The following LEMD1 variants were observed in gnomAD, a reference collection of about 807,000 sequenced individuals.
The protein encoded by LEMD1 is LEM domain containing 1, also known as LEM domain-containing protein 1.
In LEMD1, 18 loss-of-function variants were observed where a neutral mutation model predicts 17.4. That is an observed-to-expected ratio of 1.04 (90% confidence interval 0.72 to 1.54). The LOEUF is 1.54. Among genes scored for constraint, LEMD1 ranks in the 40% most tolerant of loss-of-function variants. The pLI, the probability that LEMD1 is intolerant of heterozygous loss-of-function variation, is 0.00. For synonymous variants in LEMD1, 88 were observed against 77.8 expected, an observed-to-expected ratio of 1.13 and a Z score of -0.69; for missense variants, 195 against 210.4, an observed-to-expected ratio of 0.93 and a Z score of 0.45.
At chr1:205,387,620 C>T (rs1664097537) in intron 4 of LEMD1, among the ~76,000 whole-genome samples, 1 of 152,206 alleles carries the variant, frequency 6.6e-6, no homozygotes, top group Non-Finnish European at 1.5e-5. Context: ...TCTTTGCTCT[C>T]TTCTCCTTAG....
intron 4 of LEMD1, among the ~76,000 whole-genome samples, chr1:205,396,337 G>A (rs1425609934): frequency 2.6e-5 from 4 of 151,474 alleles, no homozygotes; most frequent in Non-Finnish European, 4.4e-5. Context: ...ATATTACTGG[G>A]GGAAGCAAAA....
intron 4 of LEMD1, among the ~76,000 whole-genome samples, chr1:205,400,030 C>G (rs547494807): frequency 3.3e-5 from 5 of 152,272 alleles, no homozygotes; most frequent in Admixed American, 3.3e-4. Context: ...CCACAGAATG[C>G]TGTTCAATTA....
At chr1:205,419,375 A>G (rs1453501466) in intron 2 of LEMD1, 23 bp from the exon 3 acceptor site, 1 of 1,613,906 alleles carries the variant, frequency 6.2e-7, no homozygotes, top group Admixed American at 1.7e-5. Context: ...TTGGAGAACA[A>G]ATTAAATTGT....
At chr1:205,392,981 T>C (rs1574951135) in intron 4 of LEMD1, among the ~76,000 whole-genome samples, 1 of 152,190 alleles carries the variant, frequency 6.6e-6, no homozygotes, top group South Asian at 2.1e-4. Flanking sequence ...TGGTGGTACA[T>C]GCTAATAGTC....
intron 5 of LEMD1, among the ~76,000 whole-genome samples, 171 bp downstream of exon 5, chr1:205,384,117 C>A (rs75076163): frequency 0.015 from 2,219 of 152,216 alleles, 50 homozygotes; most frequent in African/African-American, 0.05. Flanking sequence ...TAAATATGAA[C>A]AATGAACTAG....
chr1:205,419,315 C>A lies in LEMD1; in HGVS notation c.120G>T (p.Gln40His). The A allele has an allele frequency of 6.2e-7, 1 of 1,614,218 alleles. No individual in the cohort carries two copies. The highest frequency in any genetic ancestry group is 1.6e-4 in the Middle Eastern group (1 of 6,062). ...TRKLYEKKLV[Q>H]LLVSPPCAPP... The stretch of plus-strand genomic sequence containing the variant: ...GTGCACAGGGAGGTGAGACCAACAA[C>A]TGTACTAACTTTTTTTCATACAACT... Residue 40 changes from glutamine (Q) to histidine (H), a missense_variant, in exon 3 of 6, where the codon CAG becomes CAT. Physicochemically the swap from Gln to His is conservative, Grantham distance 24 (BLOSUM62 0). Coordinates refer to ENST00000367153, the MANE Select transcript of LEMD1 (RefSeq NM_001199050.2).
chr1:205,420,688 G>C, intron 1 of LEMD1, 114 bp from the exon 2 acceptor site: 2 of 619,408 alleles, frequency 3.2e-6, no homozygotes, highest in Non-Finnish European at 5.7e-6. Context: ...TAGGTGCACA[G>C]GCAATAAAGC....
At chr1:205,412,559 G>T (rs1276444087) in intron 4 of LEMD1, among the ~76,000 whole-genome samples, 5 of 152,178 alleles carry the variant, frequency 3.3e-5, no homozygotes. Context: ...TCAGAAGACT[G>T]TTAGGTACAA....
intron 4 of LEMD1, among the ~76,000 whole-genome samples, chr1:205,411,449 GA>G (rs1360672865): frequency 6.6e-6 from 1 of 151,652 alleles, no homozygotes; most frequent in African/African-American, 2.4e-5. Flanking sequence ...CAGCTACCCG[GA>G]GAGGCAGAGG....
intron 1 of LEMD1, among the ~76,000 whole-genome samples, chr1:205,438,451 G>A (rs563339475): frequency 3.3e-5 from 5 of 152,356 alleles, no homozygotes; most frequent in African/African-American, 9.6e-5. Flanking sequence ...CAGGGTCTGC[G>A]AATGCTGGGG....
chr1:205,446,596 GTGGCATGGCTCTAACC>G (rs1553400615), intron 1 of LEMD1, among the ~76,000 whole-genome samples: 1 of 152,242 alleles, frequency 6.6e-6, no homozygotes, highest in Non-Finnish European at 1.5e-5. Flanking sequence ...GGGCAGGAAG[GTGGCATGGCTCTAACC>G]TGGCTTTCCA....
rs990162655 is a variant in LEMD1 at position 205,381,392 on chromosome 1, G to A, written c.*266C>T. 3.0e-5 allele frequency: 14 copies of A among 473,816 alleles called. No individual in the cohort carries two copies. The highest frequency in any genetic ancestry group is 7.4e-5 in the East Asian group (2 of 27,014). 29.4% of individuals were successfully genotyped at this position (473,816 alleles called of 1,614,324 possible). A position where few individuals can be genotyped will look rare whatever the true frequency, so the allele number is the denominator to read the frequency against. On this transcript the variant is annotated 3_prime_UTR_variant, in exon 6 of 6. Transcript: ENST00000367153. ...ACGCCAGACAGTTTCCTTGTTTGAC[G>A]CCTGCTCAAATATGGAAGCACCTTT...
At chr1:205,418,717 T>C (rs1665814307) in intron 3 of LEMD1, among the ~76,000 whole-genome samples, 1 of 152,178 alleles carries the variant, frequency 6.6e-6, no homozygotes, top group African/African-American at 2.4e-5. Context: ...GGTTTCACCA[T>C]GTTGGCCAGG....
At chr1:205,395,326 G>C (rs1274305049) in intron 4 of LEMD1, among the ~76,000 whole-genome samples, 2 of 152,116 alleles carry the variant, frequency 1.3e-5, no homozygotes, top group Non-Finnish European at 2.9e-5. Flanking sequence ...TGGCCATGGT[G>C]GCTCATGCCT....
In LEMD1 at chr1:205,419,296, A is replaced by T. The variant is rs1399051495; in HGVS notation, c.139T>A (p.Cys47Ser). 1 of 1,614,106 alleles carries T rather than the reference A, an allele frequency of 6.2e-7. No homozygotes were observed. The highest frequency in any genetic ancestry group is 1.3e-5 in the African/African-American group (1 of 74,940). Residue 47 changes from cysteine (C) to serine (S), a missense_variant, in exon 3 of 6, where the codon TGT (cysteine) becomes AGT (serine). Coordinates refer to ENST00000367153, the MANE Select transcript of LEMD1 (RefSeq NM_001199050.2). ...KLVQLLVSPP[C>S]APPVMNGPRE... ...GGTCCATTCATCACAGGTGGTGCAC[A>T]GGGAGGTGAGACCAACAACTGTACT...
chr1:205,434,286 C>T (rs1234987115), intron 1 of LEMD1, among the ~76,000 whole-genome samples: 1 of 150,466 alleles, frequency 6.6e-6, no homozygotes, highest in African/African-American at 2.4e-5. Context: ...ATCCTCCCAC[C>T]TCAGCCTCCC....
rs201861224 is a variant in LEMD1 at position 205,403,857 on chromosome 1, C to T, written c.270+12375G>A. On this transcript the variant is annotated intron_variant, in intron 4 of 5. Transcript: ENST00000367153. ...GGCATTTAGTGCTATAAATTTCCCT[C>T]TACACACTGCTTTGAATGTGTCCCA... 1.1e-4 allele frequency among the ~76,000 whole-genome samples: 17 copies of T among 151,986 alleles called. No individual in the cohort carries two copies. In the East Asian group the frequency reaches 3.3e-3, roughly 29 times the overall value.
intron 4 of LEMD1, among the ~76,000 whole-genome samples, chr1:205,404,869 C>T (rs1479905182): frequency 2.0e-5 from 3 of 151,974 alleles, no homozygotes; most frequent in Non-Finnish European, 4.4e-5. Flanking sequence ...TTAGTGCTTC[C>T]TTCAGGAGCT....
intron 1 of LEMD1, among the ~76,000 whole-genome samples, chr1:205,433,592 A>C (rs1666160681): frequency 6.6e-6 from 1 of 152,236 alleles, no homozygotes; most frequent in Non-Finnish European, 1.5e-5. Flanking sequence ...GAACAGATTC[A>C]GTCAACAGCA....
Sources: gnomAD v4.1 joint callset for allele counts (sites outside exome capture counted in the v4.1 genomes callset) on GRCh38, gnomAD v4.1.1 for gene constraint, MANE v1.5 for transcripts, NCBI Gene and HGNC (gene_info 2026-07-23, HGNC 2026-07-21) for gene names.